The following DCUN1D1 variants were observed in gnomAD, a reference collection of about 807,000 sequenced individuals.
The protein encoded by DCUN1D1 is defective in cullin neddylation 1 domain containing 1, also known as DCN1-like protein 1.
In DCUN1D1, 3 loss-of-function variants were observed where a neutral mutation model predicts 39.0. The ratio of observed to expected loss-of-function variants is 0.08; its 90% CI spans 0.04 to 0.20. The LOEUF (loss-of-function observed/expected upper bound fraction) is 0.20, where lower values mean the gene tolerates loss of function less well. Ranked by LOEUF, DCUN1D1 falls within the 10% of genes least tolerant of loss-of-function variation. The probability of loss-of-function intolerance (pLI) is 1.00; values close to 1 mark genes in which losing one functional copy is unlikely to be tolerated. For synonymous variants in DCUN1D1, 82 were observed against 96.3 expected, an observed-to-expected ratio of 0.85 and a Z score of 0.87; for missense variants, 158 against 302.4, an observed-to-expected ratio of 0.52 and a Z score of 3.54.
intron 4 of DCUN1D1, among the ~76,000 whole-genome samples, chr3:182,956,916 G>A (rs1286963244): frequency 1.3e-5 from 2 of 152,164 alleles, no homozygotes; most frequent in African/African-American, 4.8e-5. Context: ...AACTTTATGG[G>A]CTCTATTTTG....
intron 4 of DCUN1D1, among the ~76,000 whole-genome samples, chr3:182,956,983 TAAG>T (rs1288954236): frequency 1.3e-5 from 2 of 152,206 alleles, no homozygotes; most frequent in Admixed American, 6.5e-5. Context: ...ATGTCTCCTG[TAAG>T]AAGAATAGTT....
At chr3:182,967,209 G>C (rs555594493) in intron 1 of DCUN1D1, among the ~76,000 whole-genome samples, 5 of 150,618 alleles carry the variant, frequency 3.3e-5, no homozygotes, top group African/African-American at 1.2e-4. Flanking sequence ...CCCTCATCTG[G>C]CCCAAACAGA....
chr3:182,973,154 C>T (rs1728036910), intron 1 of DCUN1D1, among the ~76,000 whole-genome samples: 1 of 151,994 alleles, frequency 6.6e-6, no homozygotes, highest in Admixed American at 6.6e-5. Context: ...AGTATAGAAC[C>T]CTATATATAC....
At chr3:182,956,448 C>A in intron 4 of DCUN1D1, 1 of 165,824 alleles carries the variant, frequency 6.0e-6, no homozygotes, top group Non-Finnish European at 1.3e-5. Context: ...GGCCTGAGAT[C>A]TAGTCTCAGT....
chr3:182,955,274 A>C (rs1726978622), intron 4 of DCUN1D1: 1 of 539,650 alleles, frequency 1.9e-6, no homozygotes, highest in Non-Finnish European at 3.7e-6. Context: ...TTTCTAAACC[A>C]ATATCAAAAT....
chr3:182,979,786 G>T (rs1459728073), intron 1 of DCUN1D1, among the ~76,000 whole-genome samples: 1 of 152,000 alleles, frequency 6.6e-6, no homozygotes, highest in Admixed American at 6.6e-5. Flanking sequence ...TTGCACTTCC[G>T]TACCCCCTCC....
chr3:182,973,734 G>A (rs1002291983), intron 1 of DCUN1D1, among the ~76,000 whole-genome samples: 1 of 151,220 alleles, frequency 6.6e-6, no homozygotes, highest in African/African-American at 2.4e-5. Flanking sequence ...CTGAACCCCG[G>A]AGACAGAGGC....
chr3:182,979,538 G>T (rs1728408936), intron 1 of DCUN1D1, among the ~76,000 whole-genome samples: 1 of 151,572 alleles, frequency 6.6e-6, no homozygotes, highest in African/African-American at 2.4e-5. Flanking sequence ...GCAGAGTCAG[G>T]TACTTAATTA....
intron 4 of DCUN1D1, chr3:182,956,443 G>C (rs1283092840): frequency 5.9e-6 from 1 of 168,866 alleles, no homozygotes; most frequent in Non-Finnish European, 1.3e-5. Flanking sequence ...CATAAGGCCT[G>C]AGATCTAGTC....
chr3:182,983,154 C>G (rs1431062468), upstream of DCUN1D1, among the ~76,000 whole-genome samples: 1 of 152,164 alleles, frequency 6.6e-6, no homozygotes, highest in African/African-American at 2.4e-5. Flanking sequence ...TTTCCACCAC[C>G]CTCCACCCAA....
Position 182,947,285 on chromosome 3 carries a change from T to C in DCUN1D1, c.653A>G (p.Asp218Gly). ...IPKDTWNLLL[D>G]FSTMIADDMS... ...GTCATCTGCAATCATCGTACTGAAGTCTAAAAGAAGATTCCAAGTGTCTTT... is the reference window on the plus strand; with the variant it reads ...GTCATCTGCAATCATCGTACTGAAGCCTAAAAGAAGATTCCAAGTGTCTTT... The change falls in exon 6 of 7, where the codon GAC (aspartate) becomes GGC (glycine). Residue 218 changes from aspartate (D) to glycine (G), a missense_variant. This residue lies in a region of DCUN1D1 where 25 missense variants were observed against 26.3 expected (regional missense o/e 0.95). Coordinates refer to ENST00000292782, the MANE Select transcript of DCUN1D1 (RefSeq NM_020640.4). 1.2e-6 allele frequency: 2 copies of C among 1,610,414 alleles called. No homozygotes were observed.
At position 182,956,863 on chromosome 3, in the gene DCUN1D1, C is replaced by T. The variant is rs140989320; in HGVS notation, c.520+4363G>A. Among the ~76,000 whole-genome samples, 157 of 152,246 alleles carry T rather than the reference C, an allele frequency of 1.0e-3. 4 individuals carry two copies. Among genetic ancestry groups the T allele is most frequent in the Non-Finnish European group, 3.5e-4 (24 of 68,026 alleles). ...AGTCTCACAAAAATTAACAGACCCA[C>T]GGTGTTCTATATTACTTAGGCTCCT... On this transcript the variant is annotated intron_variant, in intron 4 of 6. Transcript: ENST00000292782.
At position 182,939,762 on chromosome 3, in the gene DCUN1D1, A is replaced by C. The variant is rs1318258228; in HGVS notation, c.*5332T>G. 2 of 152,202 alleles carry C rather than the reference A, an allele frequency of 1.3e-5. No individual in the cohort carries two copies. The highest frequency in any genetic ancestry group is 4.8e-5 in the African/African-American group (2 of 41,448). 9.4% of individuals were successfully genotyped at this position (152,202 alleles called of 1,614,324 possible). A position where few individuals can be genotyped will look rare whatever the true frequency, so the allele number is the denominator to read the frequency against. On this transcript the variant is annotated 3_prime_UTR_variant, in exon 7 of 7. Coordinates refer to ENST00000292782, the MANE Select transcript of DCUN1D1 (RefSeq NM_020640.4). ...GCTGATGGACATGTTCTAAAATTGG[A>C]CTGCACAACTCTTAAGTTTACTAAA...
intron 1 of DCUN1D1, among the ~76,000 whole-genome samples, chr3:182,975,851 TAAA>T (rs533263687): frequency 6.0e-5 from 4 of 66,814 alleles, no homozygotes; most frequent in Admixed American, 1.9e-4. Context: ...CCAGATATGC[TAAA>T]AAAAAAAAAA....
At chr3:182,958,615 G>C (rs930506959) in intron 4 of DCUN1D1, among the ~76,000 whole-genome samples, 1 of 152,032 alleles carries the variant, frequency 6.6e-6, no homozygotes, top group African/African-American at 2.4e-5. Context: ...CTGTGCCATC[G>C]ATCTTCAGAA....
At chr3:182,981,850 C>G (rs775189210), upstream of DCUN1D1, among the ~76,000 whole-genome samples, 1 of 152,210 alleles carries the variant, frequency 6.6e-6, no homozygotes, top group Non-Finnish European at 1.5e-5. Context: ...AACCGTTCAT[C>G]CATTCTTTCC....
intron 1 of DCUN1D1, among the ~76,000 whole-genome samples, chr3:182,975,704 CA>C (rs373234971): frequency 4.3e-5 from 6 of 140,582 alleles, no homozygotes; most frequent in Admixed American, 1.4e-4. Context: ...AAAACAAAAA[CA>C]AAAAACAAAA....
chr3:182,948,466 A>T (rs1331579978), intron 4 of DCUN1D1, among the ~76,000 whole-genome samples: 2 of 152,194 alleles, frequency 1.3e-5, no homozygotes, highest in Admixed American at 1.3e-4. Flanking sequence ...CTTATCACAC[A>T]ACAGAGAACT....
Position 182,961,210 on chromosome 3 carries a change from T to A in DCUN1D1, c.520+16A>T. 2 of 1,461,990 alleles carry A rather than the reference T, an allele frequency of 1.4e-6. No homozygotes were observed. Among genetic ancestry groups the A allele is most frequent in the African/African-American group, 2.9e-5 (2 of 69,806 alleles). The allele number at this position is 1,461,990 out of a possible 1,614,324, so 90.6% of individuals were successfully genotyped here. Reference sequence around the variant, plus strand: ...ATATATCTGAAACACCAAATATAATTTTTAAAAATTCTTACCTAATCCTTT... The same window carrying A: ...ATATATCTGAAACACCAAATATAATATTTAAAAATTCTTACCTAATCCTTT... On this transcript the variant is annotated intron_variant, in intron 4 of 6. Coordinates refer to ENST00000292782, the MANE Select transcript of DCUN1D1 (RefSeq NM_020640.4).
Sources: allele counts gnomAD v4.1 joint callset (sites outside exome capture counted in the v4.1 genomes callset), GRCh38; gene constraint gnomAD v4.1.1; regional missense constraint gnomAD v4.1.1; transcripts MANE v1.5; gene names NCBI Gene and HGNC (gene_info 2026-07-23, HGNC 2026-07-21).